GK5: variants seen among roughly 807,000 people sequenced by gnomAD.
GK5 encodes the protein glycerol kinase 5.
Under a neutral mutation model 77.3 loss-of-function variants are expected in GK5, and 39 were observed. The observed-to-expected ratio is 0.50, with a 90% CI of 0.39 to 0.66. GK5 has a LOEUF of 0.66. Ranked by LOEUF, GK5 falls within the 30% of genes least tolerant of loss-of-function variation. The pLI, the probability that GK5 is intolerant of heterozygous loss-of-function variation, is 0.00. For synonymous variants in GK5, 211 were observed against 208.0 expected (o/e 1.01, Z -0.13); for missense variants, 487 against 633.8 (o/e 0.77, Z 2.49).
At chr3:142,178,477 G>A (rs1471812897) in intron 11 of GK5, among the ~76,000 whole-genome samples, 3 of 152,156 alleles carry the variant, frequency 2.0e-5, no homozygotes, top group Non-Finnish European at 4.4e-5. Context: ...AGTGTATATA[G>A]CTAGATGAGT....
intron 15 of GK5, among the ~76,000 whole-genome samples, chr3:142,168,011 CAAACAAAACAAAACA>C (rs10701583): frequency 4.0e-5 from 6 of 151,544 alleles, no homozygotes; most frequent in East Asian, 1.9e-4. Flanking sequence ...GACTCCATCT[CAAACAAAACAAAACA>C]AAACAAAACA....
intron 4 of GK5, among the ~76,000 whole-genome samples, chr3:142,199,818 C>T (rs1398051001): frequency 6.6e-6 from 1 of 150,660 alleles, no homozygotes; most frequent in East Asian, 1.9e-4. Context: ...TGTAGATGGA[C>T]ACTTCAACTT....
chr3:142,171,916 T>G (rs2063544668), intron 13 of GK5, among the ~76,000 whole-genome samples: 1 of 152,186 alleles, frequency 6.6e-6, no homozygotes, highest in Admixed American at 6.5e-5. Context: ...ACAGCATCAT[T>G]CTTAATTTTA....
intron 3 of GK5, among the ~76,000 whole-genome samples, chr3:142,210,727 G>A (rs1431607324): frequency 6.6e-6 from 1 of 152,226 alleles, no homozygotes; most frequent in Non-Finnish European, 1.5e-5. Context: ...TAAGGAAAGT[G>A]AACTGTCTTG....
rs543668220 is a variant in GK5, at chr3:142,176,144, G to A, written c.1143+1338C>T. 1.1e-4 allele frequency among the ~76,000 whole-genome samples: 16 copies of A among 151,858 alleles called. No homozygotes were observed. The East Asian group carries it at 2.1e-3, about 20-fold the overall frequency. On this transcript the variant is annotated intron_variant, in intron 12 of 15. Transcript: ENST00000392993. ...CAATGGAATCAATTCACAAGCTCTC[G>A]GTCCTTTAGGATAAAGTACACAAAA...
At chr3:142,182,505 C>A (rs1192017916) in intron 10 of GK5, among the ~76,000 whole-genome samples, 1 of 151,968 alleles carries the variant, frequency 6.6e-6, no homozygotes, top group Non-Finnish European at 1.5e-5. Flanking sequence ...ACACCATGCC[C>A]CCAGCTAATT....
chr3:142,168,741 G>A (rs1376317700), intron 15 of GK5, among the ~76,000 whole-genome samples: 1 of 7,850 alleles, frequency 1.3e-4, no homozygotes, highest in Non-Finnish European at 2.3e-4. Context: ...CCCACCCCCG[G>A]TTAAAATTCT....
intron 12 of GK5, among the ~76,000 whole-genome samples, chr3:142,173,678 C>A (rs1056000448): frequency 7.1e-6 from 1 of 141,028 alleles, no homozygotes; most frequent in East Asian, 2.0e-4. Flanking sequence ...AGCAAGACTC[C>A]GTCTCAAAAC....
intron 3 of GK5, among the ~76,000 whole-genome samples, chr3:142,208,292 T>C (rs2064140653): frequency 6.6e-6 from 1 of 152,260 alleles, no homozygotes; most frequent in African/African-American, 2.4e-5. Flanking sequence ...TCCTTTGATA[T>C]ATAAAGTCCA....
At chr3:142,216,594 A>C (rs1214744321) in intron 1 of GK5, among the ~76,000 whole-genome samples, 2 of 152,088 alleles carry the variant, frequency 1.3e-5, no homozygotes, top group African/African-American at 4.8e-5. Context: ...GAGTGGAGTA[A>C]TAAAAGCCCC....
intron 4 of GK5, among the ~76,000 whole-genome samples, chr3:142,201,149 T>A (rs909955236): frequency 6.6e-6 from 1 of 152,100 alleles, no homozygotes; most frequent in African/African-American, 2.4e-5. Context: ...AAATGAAAAA[T>A]TACATTCACA....
Position 142,159,851 on chromosome 3 carries a change from C to CTTTTTTTTTTTTTTTTTTT in GK5, c.*5770_*5771insAAAAAAAAAAAAAAAAAAA, listed in dbSNP as rs1342546449. ...GCTTTCTCTCTCTCTCTCTCTCTCTCTCTTTTTTTTTTTTGAGACAGAGTC... is the reference window on the plus strand; with the variant it reads ...GCTTTCTCTCTCTCTCTCTCTCTCTCTTTTTTTTTTTTTTTTTTTTCTTTTTTTTTTTTGAGACAGAGTC... On this transcript the variant is annotated 3_prime_UTR_variant, in exon 16 of 16. Transcript: ENST00000392993. 1 of 86,978 alleles carries CTTTTTTTTTTTTTTTTTTT rather than the reference C, an allele frequency of 1.1e-5. No individual in the cohort carries two copies. The highest frequency in any genetic ancestry group is 4.5e-5 in the African/African-American group (1 of 22,114). 5.4% of individuals were successfully genotyped at this position (86,978 alleles called of 1,614,324 possible).
chr3:142,187,899 A>C (rs978687393), intron 5 of GK5, 120 bp from the exon 6 acceptor site: 10 of 670,876 alleles, frequency 1.5e-5, no homozygotes, highest in Middle Eastern at 5.9e-4. Flanking sequence ...GTACACAAAA[A>C]CATTTCTAGA....
chr3:142,175,028 G>A (rs1347299621), intron 12 of GK5, among the ~76,000 whole-genome samples: 1 of 152,180 alleles, frequency 6.6e-6, no homozygotes, highest in East Asian at 1.9e-4. Context: ...AAAGAGAAAA[G>A]CAGAACAGAG....
At chr3:142,222,588 T>C (rs1234766714) in intron 1 of GK5, among the ~76,000 whole-genome samples, 1 of 151,946 alleles carries the variant, frequency 6.6e-6, no homozygotes, top group Non-Finnish European at 1.5e-5. Flanking sequence ...TTATATTCAT[T>C]GTGGACCAGC....
At chr3:142,208,194 A>T (rs1366489913) in intron 3 of GK5, among the ~76,000 whole-genome samples, 1 of 152,204 alleles carries the variant, frequency 6.6e-6, no homozygotes, top group Non-Finnish European at 1.5e-5. Flanking sequence ...TTTATAATTA[A>T]ATTTAGGGTA....
At chr3:142,212,793 A>T (rs9882537) in intron 3 of GK5, among the ~76,000 whole-genome samples, 107,091 of 150,536 alleles carry the variant, frequency 0.71, 38,767 homozygotes, top group African/African-American at 0.84. Context: ...CTGTGTTTAG[A>T]GTATATATGC....
intron 3 of GK5, among the ~76,000 whole-genome samples, chr3:142,208,984 C>T (rs1222522751): frequency 6.6e-6 from 1 of 152,090 alleles, no homozygotes; most frequent in Non-Finnish European, 1.5e-5. Context: ...CCCGTCTCTA[C>T]TAAAAATACA....
chr3:142,173,700 C>CAAAA, intron 12 of GK5, among the ~76,000 whole-genome samples: 1 of 151,882 alleles, frequency 6.6e-6, no homozygotes, highest in East Asian at 1.9e-4. Context: ...AAAACAAAAA[C>CAAAA]AAAAACAAAA....
Sources: gnomAD v4.1 joint callset for allele counts (sites outside exome capture counted in the v4.1 genomes callset) on GRCh38, gnomAD v4.1.1 for gene constraint, MANE v1.5 for transcripts, NCBI Gene and HGNC (gene_info 2026-07-23, HGNC 2026-07-21) for gene names.